ZNF560: variants seen among roughly 807,000 people sequenced by gnomAD.
The protein encoded by ZNF560 is zinc finger protein 560.
In ZNF560, 54 loss-of-function variants were observed where a neutral mutation model predicts 81.8. The ratio of observed to expected loss-of-function variants is 0.66; its 90% CI spans 0.53 to 0.83. ZNF560 has a LOEUF of 0.83. Ranked by LOEUF, ZNF560 falls within the 40% of genes least tolerant of loss-of-function variation. The probability of loss-of-function intolerance (pLI) is 0.00; values close to 1 mark genes in which losing one functional copy is unlikely to be tolerated. For missense variants in ZNF560, 940 were observed against 932.4 expected (o/e 1.01, Z -0.11); for synonymous variants, 321 against 317.9 (o/e 1.01, Z -0.10).
intron 2 of ZNF560, among the ~76,000 whole-genome samples, chr19:9,477,028 C>T (rs2073213203): frequency 6.6e-6 from 1 of 152,084 alleles, no homozygotes; most frequent in African/African-American, 2.4e-5. Flanking sequence ...CATTAATCAA[C>T]AAGCGTTACT....
rs747446220 is a variant in ZNF560 at position 9,471,338 on chromosome 19, C to T, written c.279G>A (p.Gln93=). ...IKHQTSVSAL[Q]QEFWKIQTSN... ...AAGTTTGTATTTTCCAAAACTCCTG[C>T]TGCAGTGCTGAAACACTGGTTTGAT... The change falls in exon 6 of 10, where the codon CAG becomes CAA. Residue 93 remains glutamine, a synonymous_variant. Coordinates refer to ENST00000301480, the MANE Select transcript of ZNF560 (RefSeq NM_152476.3). 2 of 1,598,606 alleles carry T rather than the reference C, an allele frequency of 1.3e-6. No homozygotes were observed. Among genetic ancestry groups the T allele is most frequent in the Non-Finnish European group, 1.7e-6 (2 of 1,173,948 alleles).
Position 9,467,857 on chromosome 19 carries a change from T to C in ZNF560, c.1090A>G (p.Asn364Asp), listed in dbSNP as rs139994315. The C allele has an allele frequency of 1.0e-3, 1,653 of 1,614,208 alleles. 2 individuals are homozygous for C. The highest frequency in any genetic ancestry group is 1.3e-3 in the Non-Finnish European group (1,553 of 1,180,042). ...GKDFRYPTHL[N>D]NHMQTHIGIK... ...CCAATGTGGGTTTGCATGTGATTATTAAGGTGGGTAGGGTATCTAAAATCT... is the reference window on the plus strand; with the variant it reads ...CCAATGTGGGTTTGCATGTGATTATCAAGGTGGGTAGGGTATCTAAAATCT... Residue 364 changes from asparagine to aspartate, a missense_variant, in exon 10 of 10, where the codon AAT (asparagine) becomes GAT (aspartate). Physicochemically the swap from Asn to Asp is conservative, Grantham distance 23 (BLOSUM62 1). Transcript: ENST00000301480.
the ZNF560 span, among the ~76,000 whole-genome samples, chr19:9,504,424 G>C: frequency 6.6e-6 from 1 of 152,032 alleles, no homozygotes; most frequent in South Asian, 2.1e-4. Flanking sequence ...AACAGAACAA[G>C]ACTCTGTCTC....
intron 5 of ZNF560, 81 bp from the exon 6 acceptor site, chr19:9,471,459 A>C: frequency 1.2e-6 from 1 of 867,512 alleles, no homozygotes; most frequent in Non-Finnish European, 1.7e-6. Flanking sequence ...TATAGGCCTC[A>C]TTCATATTTG....
At chr19:9,459,795 A>G in the ZNF560 span, among the ~76,000 whole-genome samples, 18 of 152,264 alleles carry the variant, frequency 1.2e-4, no homozygotes, top group African/African-American at 4.3e-4. Flanking sequence ...GATACAATCA[A>G]TTTATGAGCC....
At chr19:9,485,082 G>A (rs930708354) in intron 2 of ZNF560, among the ~76,000 whole-genome samples, 18 of 152,064 alleles carry the variant, frequency 1.2e-4, no homozygotes, top group Non-Finnish European at 4.4e-5. Flanking sequence ...TGAAGAAGGA[G>A]ACCAAATCAC....
At chr19:9,494,980 A>G (rs889019388) in intron 2 of ZNF560, among the ~76,000 whole-genome samples, 4 of 152,158 alleles carry the variant, frequency 2.6e-5, no homozygotes, top group African/African-American at 7.2e-5. Flanking sequence ...AGCTGAGCAC[A>G]GCCTCTAGCA....
intron 5 of ZNF560, 133 bp downstream of exon 5, chr19:9,473,046 C>G (rs1333684932): frequency 1.8e-5 from 14 of 758,256 alleles, no homozygotes; most frequent in Admixed American, 1.6e-4. Context: ...AATCGTGAGC[C>G]AAAATAAACC....
chr19:9,500,246 G>T (rs536915998), upstream of ZNF560, among the ~76,000 whole-genome samples: 3 of 151,824 alleles, frequency 2.0e-5, no homozygotes. Flanking sequence ...TTAGCCAGGC[G>T]TGGTGGTTGG....
rs558094095 is a variant in ZNF560, at chr19:9,489,649, G to T, written c.-57+8479C>A. 4.6e-5 allele frequency among the ~76,000 whole-genome samples: 7 copies of T among 152,184 alleles called. No homozygotes were observed. In the South Asian group the frequency reaches 1.5e-3, roughly 32 times the overall value. On this transcript the variant is annotated intron_variant, in intron 2 of 9. Coordinates refer to ENST00000301480, the MANE Select transcript of ZNF560 (RefSeq NM_152476.3). The stretch of plus-strand genomic sequence containing the variant: ...ATGTCACCCAGGCTGGAGTGCAGTG[G>T]CGTGACCTCGGCTCACCGCAAGCTC...
At chr19:9,501,626 G>A (rs141207093), upstream of ZNF560, among the ~76,000 whole-genome samples, 15,493 of 151,468 alleles carry the variant, frequency 0.1, 919 homozygotes, top group South Asian at 0.2. Context: ...CTCCGAAAGT[G>A]CTGGGATTAC....
chr19:9,459,272 G>A, the ZNF560 span, among the ~76,000 whole-genome samples: 1 of 152,202 alleles, frequency 6.6e-6, no homozygotes, highest in African/African-American at 2.4e-5. Context: ...TTTTGAGCCT[G>A]CCTAAAGGCC....
chr19:9,495,175 T>C (rs1217585811), intron 2 of ZNF560, among the ~76,000 whole-genome samples: 1 of 151,974 alleles, frequency 6.6e-6, no homozygotes, highest in Non-Finnish European at 1.5e-5. Context: ...AATAATAAAA[T>C]TCTACTGTAG....
At chr19:9,450,613 G>A in the ZNF560 span, among the ~76,000 whole-genome samples, 1 of 151,896 alleles carries the variant, frequency 6.6e-6, no homozygotes, top group Admixed American at 6.6e-5. Flanking sequence ...GAGTGCAGTG[G>A]CACGATCTCG....
chr19:9,491,337 G>A (rs1443666177), intron 2 of ZNF560, among the ~76,000 whole-genome samples: 1 of 151,976 alleles, frequency 6.6e-6, no homozygotes, highest in Admixed American at 6.6e-5. Flanking sequence ...GGCCAGGCTG[G>A]TCTCGAACTC....
At chr19:9,497,093 GCAA>G (rs1200745728) in intron 2 of ZNF560, among the ~76,000 whole-genome samples, 2 of 150,974 alleles carry the variant, frequency 1.3e-5, no homozygotes, top group African/African-American at 2.4e-5. Flanking sequence ...TCCAGCCTGG[GCAA>G]CAAGGCAACA....
chr19:9,485,908 C>A (rs1312009237), intron 2 of ZNF560, among the ~76,000 whole-genome samples: 4 of 152,106 alleles, frequency 2.6e-5, no homozygotes, highest in Admixed American at 6.5e-5. Context: ...ATCAAGTACT[C>A]CTTCCATTCA....
chr19:9,465,359 C>T (rs1164488547), downstream of ZNF560, among the ~76,000 whole-genome samples: 3 of 151,996 alleles, frequency 2.0e-5, no homozygotes, highest in South Asian at 2.1e-4. Context: ...TGGATAGTCT[C>T]GATCTCTTGA....
At chr19:9,499,899 C>G (rs1011015632), upstream of ZNF560, among the ~76,000 whole-genome samples, 4 of 152,246 alleles carry the variant, frequency 2.6e-5, no homozygotes, top group African/African-American at 9.6e-5. Context: ...TGTATAGATA[C>G]AAAACTAATT....
Sources: allele counts gnomAD v4.1 joint callset (sites outside exome capture counted in the v4.1 genomes callset), GRCh38; gene constraint gnomAD v4.1.1; transcripts MANE v1.5; gene names NCBI Gene and HGNC (gene_info 2026-07-23, HGNC 2026-07-21).